Variants in PRR16 observed in about 807,000 individuals in gnomAD.
The protein encoded by PRR16 is protein Largen.
PRR16 carries 6 observed loss-of-function variants against 18.2 expected under a neutral mutation model. The ratio of observed to expected loss-of-function variants is 0.33; its 90% CI spans 0.18 to 0.65. The LOEUF is 0.65. PRR16 is among the 30% of genes least tolerant of loss of function. The pLI is 0.74. For missense variants in PRR16, 412 were observed against 376.6 expected, an observed-to-expected ratio of 1.09 and a Z score of -0.78; for synonymous variants, 151 against 147.8, an observed-to-expected ratio of 1.02 and a Z score of -0.16.
chr5:120,660,410 A>T (rs1485424496), intron 1 of PRR16, among the ~76,000 whole-genome samples: 1 of 152,088 alleles, frequency 6.6e-6, no homozygotes, highest in Non-Finnish European at 1.5e-5. Flanking sequence ...ACATTTAAAT[A>T]ATCTCACATA....
At chr5:120,716,912 C>T in the PRR16 span, among the ~76,000 whole-genome samples, 2 of 151,920 alleles carry the variant, frequency 1.3e-5, no homozygotes, top group Non-Finnish European at 2.9e-5. Flanking sequence ...AATCATGGTC[C>T]TTGAATGAAT....
At chr5:120,741,866 G>T in the PRR16 span, among the ~76,000 whole-genome samples, 1 of 152,166 alleles carries the variant, frequency 6.6e-6, no homozygotes, top group Admixed American at 6.5e-5. Context: ...CTCCCAACGT[G>T]CTGGGATTGC....
intron 1 of PRR16, among the ~76,000 whole-genome samples, chr5:120,585,391 CTT>C (rs1561559014): frequency 3.9e-5 from 6 of 152,030 alleles, no homozygotes; most frequent in Non-Finnish European, 8.8e-5. Flanking sequence ...GGGCAGGTCA[CTT>C]GAGGTCAGGA....
intron 1 of PRR16, among the ~76,000 whole-genome samples, chr5:120,517,511 ATTC>A (rs1751036176): frequency 6.6e-6 from 1 of 152,164 alleles, no homozygotes; most frequent in African/African-American, 2.4e-5. Context: ...ATAGTTTTCT[ATTC>A]TTCTTTAAAG....
chr5:120,694,481 G>A, the PRR16 span, among the ~76,000 whole-genome samples: 3 of 151,952 alleles, frequency 2.0e-5, no homozygotes, highest in Non-Finnish European at 2.9e-5. Flanking sequence ...TCAGGAGATC[G>A]AGACCATCCT....
At chr5:120,492,849 T>C (rs1016170968) in intron 1 of PRR16, among the ~76,000 whole-genome samples, 2 of 152,216 alleles carry the variant, frequency 1.3e-5, no homozygotes, top group African/African-American at 2.4e-5. Context: ...CTTAGAATAA[T>C]GGCCTCCAGT....
chr5:120,754,505 T>TA, the PRR16 span, among the ~76,000 whole-genome samples: 1 of 58,504 alleles, frequency 1.7e-5, no homozygotes, highest in Admixed American at 2.8e-4. Flanking sequence ...TATTTTATTA[T>TA]GTATATTATA....
At chr5:120,610,809 G>A (rs1479578218) in intron 1 of PRR16, among the ~76,000 whole-genome samples, 1 of 152,114 alleles carries the variant, frequency 6.6e-6, no homozygotes, top group African/African-American at 2.4e-5. Context: ...TACCAATAGA[G>A]TGGGGTATTA....
At chr5:120,627,864 A>G (rs1754918010) in intron 1 of PRR16, among the ~76,000 whole-genome samples, 1 of 152,150 alleles carries the variant, frequency 6.6e-6, no homozygotes, top group Admixed American at 6.6e-5. Flanking sequence ...AGACTTGTCA[A>G]AAGCTTACAA....
At chr5:120,768,029 G>T in the PRR16 span, among the ~76,000 whole-genome samples, 4 of 151,748 alleles carry the variant, frequency 2.6e-5, no homozygotes, top group Non-Finnish European at 5.9e-5. Flanking sequence ...TTAAAATAGT[G>T]TTATCACCCC....
intron 1 of PRR16, among the ~76,000 whole-genome samples, chr5:120,599,955 C>T (rs913219101): frequency 3.3e-5 from 5 of 151,892 alleles, no homozygotes; most frequent in African/African-American, 1.2e-4. Flanking sequence ...TTTCTTCAGC[C>T]TTCACCTGTG....
the PRR16 span, among the ~76,000 whole-genome samples, chr5:120,778,671 T>C: frequency 3.4e-4 from 52 of 152,272 alleles, 1 homozygote; most frequent in East Asian, 3.7e-3. Context: ...CCAAACTGTT[T>C]TTGACTTCTA....
At chr5:120,547,615 T>C (rs920254947) in intron 1 of PRR16, among the ~76,000 whole-genome samples, 2 of 152,046 alleles carry the variant, frequency 1.3e-5, no homozygotes, top group African/African-American at 4.8e-5. Flanking sequence ...TAAGAACATA[T>C]TGATAACAAC....
chr5:120,746,700 A>AT, the PRR16 span, among the ~76,000 whole-genome samples: 133 of 150,846 alleles, frequency 8.8e-4, 3 homozygotes, highest in South Asian at 7.6e-3. Flanking sequence ...TGACAGTGGT[A>AT]TTTTTTTTTC....
intron 1 of PRR16, among the ~76,000 whole-genome samples, chr5:120,598,614 G>T (rs750828354): frequency 4.0e-5 from 6 of 151,592 alleles, no homozygotes; most frequent in Non-Finnish European, 8.8e-5. Flanking sequence ...GATACCTGTC[G>T]TTCCCATTTT....
the PRR16 span, among the ~76,000 whole-genome samples, chr5:120,758,974 C>CTTTTTT: frequency 7.2e-5 from 8 of 110,346 alleles, no homozygotes; most frequent in Non-Finnish European, 1.0e-4. Context: ...ACCATAATTT[C>CTTTTTT]TTTTTTTTTT....
chr5:120,728,324 CCT>C, the PRR16 span, among the ~76,000 whole-genome samples: 2 of 87,852 alleles, frequency 2.3e-5, no homozygotes, highest in Admixed American at 2.6e-4. Context: ...TCAAAAATAA[CCT>C]TTTTTTTTTT....
chr5:120,660,133 C>T (rs1255170677), intron 1 of PRR16, among the ~76,000 whole-genome samples: 1 of 152,034 alleles, frequency 6.6e-6, no homozygotes, highest in African/African-American at 2.4e-5. Context: ...CAGTATAAGA[C>T]ACTCACAACT....
At chr5:120,758,262 G>T in the PRR16 span, among the ~76,000 whole-genome samples, 1 of 151,244 alleles carries the variant, frequency 6.6e-6, no homozygotes, top group Non-Finnish European at 1.5e-5. Context: ...GATGAGTACT[G>T]ATTTTCATAA....
Sources: allele counts gnomAD v4.1 joint callset (sites outside exome capture counted in the v4.1 genomes callset), GRCh38; gene constraint gnomAD v4.1.1; transcripts MANE v1.5; gene names NCBI Gene and HGNC (gene_info 2026-07-23, HGNC 2026-07-21).